Variants in SGIP1 observed in about 807,000 individuals in gnomAD.
The protein encoded by SGIP1 is SH3-containing GRB2-like protein 3-interacting protein 1.
Under a neutral mutation model 107.5 loss-of-function variants are expected in SGIP1, and 38 were observed. The ratio of observed to expected loss-of-function variants is 0.35; its 90% CI spans 0.27 to 0.46. SGIP1 has a LOEUF of 0.46. Among genes scored for constraint, SGIP1 ranks in the 20% least tolerant of loss-of-function variants. SGIP1 has a pLI of 1.00. For synonymous variants in SGIP1, 365 were observed against 366.1 expected (o/e 1.00, Z 0.03); for missense variants, 929 against 1,019.5 (o/e 0.91, Z 1.21).
intron 1 of SGIP1, among the ~76,000 whole-genome samples, chr1:66,536,536 C>T (rs1053586560): frequency 6.6e-6 from 1 of 152,154 alleles, no homozygotes; most frequent in African/African-American, 2.4e-5. Flanking sequence ...AGAATTTCAC[C>T]TCTGAATTGC....
chr1:66,662,189 G>A (rs1571443418), intron 8 of SGIP1, among the ~76,000 whole-genome samples: 3 of 152,284 alleles, frequency 2.0e-5, no homozygotes, highest in South Asian at 4.1e-4. Context: ...AGTAATAAAT[G>A]TAGTGATCAT....
chr1:66,582,361 C>A (rs2061944882), intron 1 of SGIP1, among the ~76,000 whole-genome samples: 1 of 152,030 alleles, frequency 6.6e-6, no homozygotes, highest in Non-Finnish European at 1.5e-5. Context: ...GGTAGAAGAA[C>A]CTTACTGTCA....
At chr1:66,563,248 G>C (rs774149127) in intron 1 of SGIP1, among the ~76,000 whole-genome samples, 3 of 151,922 alleles carry the variant, frequency 2.0e-5, no homozygotes, top group Admixed American at 6.6e-5. Flanking sequence ...GGGCCGGCAC[G>C]GGAGGTACTT....
In SGIP1 at chr1:66,597,220, C is replaced by T. The variant is rs188152939; in HGVS notation, c.11-28627C>T. 4.6e-3 allele frequency among the ~76,000 whole-genome samples: 707 copies of T among 152,330 alleles called. 21 individuals are homozygous for T. The highest frequency in any genetic ancestry group is 0.044 in the Admixed American group (675 of 15,312). On this transcript the variant is annotated intron_variant, in intron 1 of 24. Transcript: ENST00000371037. ...TTCTCTCTCTCCTCCCAACCTCCAC[C>T]CTGAAGTAGGCCCCAATGTCTATTG... is the stretch of plus-strand genomic sequence containing the variant.
intron 17 of SGIP1, among the ~76,000 whole-genome samples, chr1:66,694,079 G>T (rs185358258): frequency 5.3e-5 from 8 of 152,306 alleles, no homozygotes; most frequent in Non-Finnish European, 1.0e-4. Flanking sequence ...CTGACCACTT[G>T]AGAATTGTGT....
In SGIP1 at chr1:66,577,447, C is replaced by A. The variant is rs191087785; in HGVS notation, c.10+43079C>A. Among the ~76,000 whole-genome samples, 114 of 152,254 alleles carry A rather than the reference C, an allele frequency of 7.5e-4. 1 individual carries two copies. The highest frequency in any genetic ancestry group is 4.8e-3 in the South Asian group (23 of 4,814). ...ATTCTCTGCTTTTAACCTAATCTAACCCTGATGCTTAACTAATTAATTTCA... is the reference window on the plus strand; with the variant it reads ...ATTCTCTGCTTTTAACCTAATCTAAACCTGATGCTTAACTAATTAATTTCA... On this transcript the variant is annotated intron_variant, in intron 1 of 24. Transcript: ENST00000371037.
intron 1 of SGIP1, among the ~76,000 whole-genome samples, chr1:66,576,327 C>T (rs1367455088): frequency 6.6e-6 from 1 of 152,160 alleles, no homozygotes; most frequent in Non-Finnish European, 1.5e-5. Context: ...CATTGCTGAG[C>T]CCAAGTAGTT....
Position 66,640,739 on chromosome 1 carries a change from C to T in SGIP1, c.228+906C>T, listed in dbSNP as rs181046885. The stretch of plus-strand genomic sequence containing the variant: ...TCTAAATGCAGCGAGAAGCCAGGGA[C>T]GGGTTTTTAGCAGGTAAGTTACCTC... On this transcript the variant is annotated intron_variant, in intron 5 of 24. Transcript: ENST00000371037. Among the ~76,000 whole-genome samples, 278 of 139,624 alleles carry T rather than the reference C, an allele frequency of 2.0e-3. 1 individual carries two copies. Among genetic ancestry groups the T allele is most frequent in the Non-Finnish European group, 3.3e-3 (217 of 65,516 alleles). The allele number at this position is 139,624 out of a possible 152,430, so 91.6% of individuals were successfully genotyped here.
Position 66,739,372 on chromosome 1 carries a change from TG to T in SGIP1, c.2071del (p.Ala691GlnfsTer2). 6.2e-7 allele frequency: 1 copy of T among 1,609,386 alleles called. No individual in the cohort carries two copies. The highest frequency in any genetic ancestry group is 8.5e-7 in the Non-Finnish European group (1 of 1,179,998). On this transcript the variant is annotated frameshift_variant, in exon 22 of 25. Coordinates refer to ENST00000371037, the MANE Select transcript of SGIP1 (RefSeq NM_032291.4). LOFTEE classifies it high-confidence loss of function. ...GGCATTCAGTCCACACCTCTGAACCTGGCAGTGAATTGGCGATGTGAGCCTT... is the reference window on the plus strand; with the variant it reads ...GGCATTCAGTCCACACCTCTGAACCTGCAGTGAATTGGCGATGTGAGCCTT... ...AQGIQSTPLN[L>X]AVNWRCEPSS...
intron 2 of SGIP1, among the ~76,000 whole-genome samples, chr1:66,632,239 C>G (rs932743355): frequency 6.6e-6 from 1 of 152,216 alleles, no homozygotes; most frequent in Non-Finnish European, 1.5e-5. Flanking sequence ...CCAGCTTCAT[C>G]TTACTCGAAA....
At chr1:66,582,650 A>G (rs1251849253) in intron 1 of SGIP1, among the ~76,000 whole-genome samples, 1 of 152,008 alleles carries the variant, frequency 6.6e-6, no homozygotes, top group African/African-American at 2.4e-5. Flanking sequence ...TCATAATTAT[A>G]TTAGAAATAA....
intron 14 of SGIP1, among the ~76,000 whole-genome samples, chr1:66,680,532 T>G (rs924108824): frequency 6.6e-6 from 1 of 152,206 alleles, no homozygotes; most frequent in Admixed American, 6.5e-5. Flanking sequence ...GAGTGGGGCA[T>G]TCATCAACAA....
At chr1:66,631,013 GAAGGGAAAGGA>G (rs2074439920) in intron 2 of SGIP1, among the ~76,000 whole-genome samples, 1 of 138,512 alleles carries the variant, frequency 7.2e-6, no homozygotes, top group East Asian at 2.2e-4. Flanking sequence ...GGAAAGGAAG[GAAGGGAAAGGA>G]AAGGAAGGAA....
At chr1:66,695,180 G>T in intron 17 of SGIP1, 1 of 666,786 alleles carries the variant, frequency 1.5e-6, no homozygotes, top group South Asian at 2.7e-5. Flanking sequence ...CAAGCACCAA[G>T]TATCAAGCGA....
At chr1:66,682,422 T>C (rs567988611) in intron 15 of SGIP1, 53 bp downstream of exon 15, 4 of 1,558,614 alleles carry the variant, frequency 2.6e-6, no homozygotes, top group Non-Finnish European at 3.5e-6. Context: ...CCATGGCTGC[T>C]GCAGTGTGAG....
chr1:66,742,815 A>G (rs1397037522), intron 24 of SGIP1, among the ~76,000 whole-genome samples: 1 of 152,176 alleles, frequency 6.6e-6, no homozygotes, highest in Non-Finnish European at 1.5e-5. Flanking sequence ...ATCCAGAAAT[A>G]AATCTCCCAA....
At chr1:66,607,682 G>A (rs1034781967) in intron 1 of SGIP1, among the ~76,000 whole-genome samples, 4 of 152,180 alleles carry the variant, frequency 2.6e-5, no homozygotes, top group East Asian at 1.9e-4. Flanking sequence ...ACCACCAGGG[G>A]ACACCCTCCA....
At chr1:66,641,554 A>T (rs1303131668) in intron 5 of SGIP1, among the ~76,000 whole-genome samples, 1 of 152,134 alleles carries the variant, frequency 6.6e-6, no homozygotes, top group East Asian at 1.9e-4. Context: ...CAAAACCTAG[A>T]TCTGACATTT....
At chr1:66,616,150 T>C (rs557540317) in intron 1 of SGIP1, 1 of 152,368 alleles carries the variant, frequency 6.6e-6, no homozygotes, top group South Asian at 2.1e-4. Flanking sequence ...TTATATTTTA[T>C]GATAGATGTT....
Sources: gnomAD v4.1 joint callset for allele counts (sites outside exome capture counted in the v4.1 genomes callset) on GRCh38, gnomAD v4.1.1 for gene constraint, MANE v1.5 for transcripts, NCBI Gene and HGNC (gene_info 2026-07-23, HGNC 2026-07-21) for gene names.